The following PDE4D variants were observed in gnomAD, a reference collection of about 807,000 sequenced individuals.
The protein encoded by PDE4D is 3',5'-cyclic-AMP phosphodiesterase 4D.
A neutral mutation model predicts 87.4 loss-of-function variants in PDE4D; 24 were observed. The ratio of observed to expected loss-of-function variants is 0.27; its 90% confidence interval spans 0.20 to 0.39. PDE4D has a LOEUF of 0.39. PDE4D is among the 10% of genes least tolerant of loss of function. The pLI, the probability that PDE4D is intolerant of heterozygous loss-of-function variation, is 1.00. For missense variants in PDE4D, 714 were observed against 1,041.0 expected, an observed-to-expected ratio of 0.69 and a Z score of 4.32; for synonymous variants, 384 against 383.2, an observed-to-expected ratio of 1.00 and a Z score of -0.02.
At chr5:59,274,430 A>G (rs1764421484) in intron 1 of PDE4D, among the ~76,000 whole-genome samples, 1 of 152,150 alleles carries the variant, frequency 6.6e-6, no homozygotes, top group Non-Finnish European at 1.5e-5. Context: ...GCCTGCTCAC[A>G]TGATAATGCA....
rs1438748792 is a variant in PDE4D, at chr5:59,171,867, TTA to T, written c.808+8726_808+8727del. Among the ~76,000 whole-genome samples, 22 of 120,542 alleles carry T rather than the reference TTA, an allele frequency of 1.8e-4. No individual in the cohort carries two copies. The South Asian group carries it at 4.9e-3, about 27-fold the overall frequency. The allele number at this position is 120,542 out of a possible 152,430, so 79.1% of individuals were successfully genotyped here. On this transcript the variant is annotated intron_variant, in intron 5 of 14. Transcript: ENST00000340635. Reference sequence around the variant, plus strand: ...TTTATTTTATAATAAACATATATATTTATATGAGAAATATATTTATTATATAA... The same window carrying T: ...TTTATTTTATAATAAACATATATATTTATGAGAAATATATTTATTATATAA...
At chr5:59,330,028 A>G (rs1776422540) in intron 1 of PDE4D, among the ~76,000 whole-genome samples, 1 of 152,220 alleles carries the variant, frequency 6.6e-6, no homozygotes, top group Non-Finnish European at 1.5e-5. Context: ...ACAATGCAGT[A>G]CTTTTCTAAA....
intron 1 of PDE4D, among the ~76,000 whole-genome samples, chr5:60,210,747 T>C (rs1743102960): frequency 7.7e-6 from 1 of 129,716 alleles, no homozygotes; most frequent in Admixed American, 8.4e-5. Flanking sequence ...TTTTATAGGG[T>C]TTCCTAATTT....
chr5:59,839,578 T>C (rs1465618651), intron 1 of PDE4D, among the ~76,000 whole-genome samples: 1 of 152,048 alleles, frequency 6.6e-6, no homozygotes, highest in Non-Finnish European at 1.5e-5. Flanking sequence ...TTCAAATATG[T>C]AATTTAGGCT....
chr5:59,196,153 C>T (rs1393385257), intron 2 of PDE4D, among the ~76,000 whole-genome samples: 1 of 152,096 alleles, frequency 6.6e-6, no homozygotes, highest in African/African-American at 2.4e-5. Context: ...GTTATCACAG[C>T]AAGTGTATTT....
chr5:59,419,001 G>T (rs191785099), intron 1 of PDE4D, among the ~76,000 whole-genome samples: 9 of 152,148 alleles, frequency 5.9e-5, no homozygotes, highest in Non-Finnish European at 1.0e-4. Flanking sequence ...GAATCTGCTG[G>T]GTCTCAGTTT....
intron 2 of PDE4D, among the ~76,000 whole-genome samples, chr5:60,173,039 G>T (rs1351401404): frequency 6.6e-6 from 1 of 152,084 alleles, no homozygotes; most frequent in Admixed American, 6.6e-5. Context: ...ATATAACATT[G>T]TTATCCAACT....
intron 2 of PDE4D, among the ~76,000 whole-genome samples, chr5:59,204,097 A>G (rs2153497292): frequency 6.6e-6 from 1 of 152,288 alleles, no homozygotes; most frequent in East Asian, 1.9e-4. Flanking sequence ...ACATATATCA[A>G]AATATTACCT....
intron 1 of PDE4D, among the ~76,000 whole-genome samples, chr5:59,776,752 C>G (rs1347968052): frequency 6.6e-6 from 1 of 151,982 alleles, no homozygotes; most frequent in East Asian, 1.9e-4. Context: ...TCTAAAACAT[C>G]AGGGCTTAAG....
intron 1 of PDE4D, among the ~76,000 whole-genome samples, chr5:59,615,844 TAC>T (rs1829595112): frequency 6.6e-6 from 1 of 152,188 alleles, no homozygotes; most frequent in Non-Finnish European, 1.5e-5. Context: ...AGGACTATCT[TAC>T]AGCGAAGTAT....
At chr5:59,777,909 CAA>C (rs912911834) in intron 1 of PDE4D, among the ~76,000 whole-genome samples, 1 of 150,250 alleles carries the variant, frequency 6.7e-6, no homozygotes, top group African/African-American at 2.4e-5. Flanking sequence ...TTAGATGAGA[CAA>C]AAAAAAGAAG....
At chr5:59,128,305 G>A (rs997751992) in intron 5 of PDE4D, among the ~76,000 whole-genome samples, 2 of 151,972 alleles carry the variant, frequency 1.3e-5, no homozygotes, top group South Asian at 4.2e-4. Context: ...AGGAGGTTGG[G>A]AGGAGAAGGA....
intron 3 of PDE4D, among the ~76,000 whole-genome samples, chr5:59,961,569 T>C (rs10805517): frequency 0.74 from 112,140 of 151,996 alleles, 41,530 homozygotes; most frequent in East Asian, 0.97. Context: ...TATGGCAGCC[T>C]CAGGAAAGGA....
At chr5:59,829,837 T>C (rs1201599202) in intron 1 of PDE4D, among the ~76,000 whole-genome samples, 1 of 152,002 alleles carries the variant, frequency 6.6e-6, no homozygotes, top group East Asian at 1.9e-4. Flanking sequence ...AGAGAGGCCA[T>C]GGATAAACCT....
At chr5:60,490,935 CATGAGTAAACTATAGAAAACGTT>C (rs1428427640), upstream of PDE4D, 1 of 152,172 alleles carries the variant, frequency 6.6e-6, no homozygotes. Flanking sequence ...GAAAGTCACT[CATGAGTAAACTATAGAAAACGTT>C]CAGACCCATC....
intron 5 of PDE4D, chr5:59,157,298 T>C (rs1035953091): frequency 1.4e-6 from 1 of 702,394 alleles, no homozygotes; most frequent in Admixed American, 2.0e-5. Flanking sequence ...AGCCAAATCA[T>C]CTGCCAGGGT....
At chr5:60,122,943 C>T (rs139212878) in intron 2 of PDE4D, among the ~76,000 whole-genome samples, 1 of 152,116 alleles carries the variant, frequency 6.6e-6, no homozygotes, top group East Asian at 1.9e-4. Flanking sequence ...ACCAGATACC[C>T]TAAATCATCT....
At chr5:60,343,298 C>T in intron 1 of PDE4D, among the ~76,000 whole-genome samples, 1 of 152,242 alleles carries the variant, frequency 6.6e-6, no homozygotes, top group Admixed American at 6.5e-5. Flanking sequence ...CCCTGCCTCA[C>T]CAAACACTAA....
chr5:60,028,296 C>T (rs1360623725), intron 2 of PDE4D, among the ~76,000 whole-genome samples: 1 of 152,122 alleles, frequency 6.6e-6, no homozygotes, highest in African/African-American at 2.4e-5. Flanking sequence ...TTTCCTTTCA[C>T]ACTGGATACA....
Sources: allele counts gnomAD v4.1 joint callset (sites outside exome capture counted in the v4.1 genomes callset), GRCh38; gene constraint gnomAD v4.1.1; transcripts MANE v1.5; gene names NCBI Gene and HGNC (gene_info 2026-07-23, HGNC 2026-07-21).